Variants in DLG2 observed in about 807,000 individuals in gnomAD.
DLG2 encodes disks large homolog 2.
In DLG2, 45 loss-of-function variants were observed where a neutral mutation model predicts 132.5. The ratio of observed to expected loss-of-function variants is 0.34; its 90% CI spans 0.27 to 0.44. The LOEUF is 0.44. Ranked by LOEUF, DLG2 falls within the 20% of genes least tolerant of loss-of-function variation. The pLI is 1.00. For missense variants in DLG2, 1,045 were observed against 1,196.9 expected (o/e 0.87, Z 1.87); for synonymous variants, 424 against 419.6 (o/e 1.01, Z -0.13).
intron 3 of DLG2, among the ~76,000 whole-genome samples, chr11:85,361,703 T>C (rs929231229): frequency 1.3e-5 from 2 of 152,246 alleles, no homozygotes; most frequent in African/African-American, 4.8e-5. Context: ...TTGGTCACTA[T>C]AGCCTTGTAG....
intron 11 of DLG2, among the ~76,000 whole-genome samples, chr11:83,991,622 T>C (rs921197043): frequency 9.9e-5 from 15 of 152,090 alleles, no homozygotes; most frequent in African/African-American, 3.1e-4. Context: ...CTCTGTCCTG[T>C]CCTGAAAAGA....
chr11:83,851,313 T>C (rs1396880823), intron 16 of DLG2, among the ~76,000 whole-genome samples: 1 of 152,102 alleles, frequency 6.6e-6, no homozygotes, highest in East Asian at 1.9e-4. Context: ...TTATCCAATC[T>C]GACGGGTCTC....
rs367814521 is a variant in DLG2, at chr11:84,691,619, A to G, written c.358-156888T>C. ...CACATAAAATAATTTAGAAATAGAAAAATAATCTATTCTATATTGTTATTA... is the reference window on the plus strand; with the variant it reads ...CACATAAAATAATTTAGAAATAGAAGAATAATCTATTCTATATTGTTATTA... On this transcript the variant is annotated intron_variant, in intron 6 of 27. Transcript: ENST00000376104. 9.0e-4 allele frequency among the ~76,000 whole-genome samples: 136 copies of G among 151,846 alleles called. 4 individuals are homozygous for G. In the South Asian group the frequency reaches 0.027, roughly 30 times the overall value.
chr11:83,834,669 G>T (rs557860228), intron 16 of DLG2, among the ~76,000 whole-genome samples: 1 of 151,948 alleles, frequency 6.6e-6, no homozygotes, highest in African/African-American at 2.4e-5. Flanking sequence ...CCTTCAGAGA[G>T]GACTATAAAT....
intron 21 of DLG2, among the ~76,000 whole-genome samples, chr11:83,512,860 A>C (rs1025408433): frequency 2.6e-5 from 4 of 152,088 alleles, no homozygotes; most frequent in Admixed American, 2.6e-4. Context: ...AAGGACATGA[A>C]CTCATCATTT....
chr11:84,270,118 C>T (rs2097700536), intron 7 of DLG2, among the ~76,000 whole-genome samples: 2 of 152,172 alleles, frequency 1.3e-5, no homozygotes, highest in South Asian at 4.1e-4. Context: ...AATAAAATTG[C>T]AAAGCCTCTG....
At chr11:83,632,920 A>T (rs979997054) in intron 19 of DLG2, 40 of 346,258 alleles carry the variant, frequency 1.2e-4, no homozygotes, top group African/African-American at 7.2e-4. Context: ...AAGATTTATT[A>T]GAAATGAAAA....
At chr11:83,669,450 T>C (rs1592139046) in intron 18 of DLG2, among the ~76,000 whole-genome samples, 1 of 152,198 alleles carries the variant, frequency 6.6e-6, no homozygotes, top group East Asian at 1.9e-4. Flanking sequence ...TACATTTCTA[T>C]GCCAATGTAT....
intron 6 of DLG2, among the ~76,000 whole-genome samples, chr11:84,699,678 T>C (rs2059003146): frequency 6.6e-6 from 1 of 151,604 alleles, no homozygotes; most frequent in African/African-American, 2.4e-5. Context: ...TCTGACTATC[T>C]TCGTCTCCCT....
At chr11:85,021,457 G>A in intron 6 of DLG2, 1 of 1,417,552 alleles carries the variant, frequency 7.1e-7, no homozygotes, top group South Asian at 1.2e-5. Flanking sequence ...TCCTGCTACA[G>A]CAGCCCGGGC....
At chr11:85,586,503 C>G (rs558863834) in intron 3 of DLG2, among the ~76,000 whole-genome samples, 1 of 152,196 alleles carries the variant, frequency 6.6e-6, no homozygotes, top group South Asian at 2.1e-4. Context: ...TAATGGTGTT[C>G]AGAACAGTCT....
At chr11:84,056,711 C>T (rs2096507112) in intron 11 of DLG2, among the ~76,000 whole-genome samples, 1 of 152,150 alleles carries the variant, frequency 6.6e-6, no homozygotes, top group African/African-American at 2.4e-5. Context: ...AAGTATTCAA[C>T]TTACTCTGAT....
At chr11:83,644,791 G>T (rs1471178184) in intron 18 of DLG2, among the ~76,000 whole-genome samples, 22 of 151,948 alleles carry the variant, frequency 1.4e-4, no homozygotes, top group Admixed American at 1.2e-3. Context: ...TTTGGCAAAG[G>T]ATCTATGAGA....
chr11:83,861,853 T>C (rs2061509290), intron 16 of DLG2, among the ~76,000 whole-genome samples: 1 of 152,074 alleles, frequency 6.6e-6, no homozygotes, highest in African/African-American at 2.4e-5. Flanking sequence ...AATTGTACAT[T>C]TTAAAATAAC....
At chr11:85,253,852 G>A (rs1396714609) in intron 4 of DLG2, among the ~76,000 whole-genome samples, 1 of 152,036 alleles carries the variant, frequency 6.6e-6, no homozygotes, top group Non-Finnish European at 1.5e-5. Context: ...GAGCAGGAAG[G>A]CAATCTTCCC....
chr11:84,102,104 T>C (rs113435905), intron 9 of DLG2, among the ~76,000 whole-genome samples: 2 of 152,172 alleles, frequency 1.3e-5, no homozygotes, highest in African/African-American at 4.8e-5. Flanking sequence ...TTTTTGAAGA[T>C]GTGGCTCAGA....
intron 6 of DLG2, among the ~76,000 whole-genome samples, chr11:84,801,856 C>A (rs1021085098): frequency 6.6e-6 from 1 of 152,136 alleles, no homozygotes; most frequent in African/African-American, 2.4e-5. Context: ...AGAAAGGTTT[C>A]TAATTGGGGA....
chr11:83,493,192 ATCT>A (rs946744716), intron 21 of DLG2, among the ~76,000 whole-genome samples: 7 of 151,814 alleles, frequency 4.6e-5, no homozygotes, highest in African/African-American at 9.7e-5. Flanking sequence ...TCTGCTTGTA[ATCT>A]TCTTCCCTTA....
chr11:84,753,684 A>G (rs1370743153), intron 6 of DLG2, among the ~76,000 whole-genome samples: 1 of 152,230 alleles, frequency 6.6e-6, no homozygotes, highest in Admixed American at 6.5e-5. Flanking sequence ...TTTGGGAGTT[A>G]TAAGAACGTG....
Sources: allele counts gnomAD v4.1 joint callset (sites outside exome capture counted in the v4.1 genomes callset), GRCh38; gene constraint gnomAD v4.1.1; transcripts MANE v1.5; gene names NCBI Gene and HGNC (gene_info 2026-07-23, HGNC 2026-07-21).